The following POLA1 variants were observed in gnomAD, a reference collection of about 807,000 sequenced individuals.
POLA1 encodes DNA polymerase alpha 1, catalytic subunit.
POLA1 carries 15 observed loss-of-function variants against 124.0 expected under a neutral mutation model. That is an observed-to-expected ratio of 0.12 (90% CI 0.08 to 0.19). The LOEUF is 0.19. POLA1 is among the 10% of genes least tolerant of loss of function. POLA1 has a pLI of 1.00. For synonymous variants in POLA1, 408 were observed against 389.4 expected (o/e 1.05, Z -0.56); for missense variants, 886 against 1,103.4 (o/e 0.80, Z 2.79).
At chrX:24,705,733 G>T (rs1928760900) in intron 4 of POLA1, among the ~76,000 whole-genome samples, 1 of 105,517 alleles carries the variant, frequency 9.5e-6, no homozygotes, top group Non-Finnish European at 1.9e-5. Context: ...TGTCTTTCAT[G>T]ACATTGATTT....
At chrX:24,981,452 G>A (rs1447182129) in intron 36 of POLA1, among the ~76,000 whole-genome samples, 4 of 112,388 alleles carry the variant, frequency 3.6e-5, no homozygotes, top group South Asian at 7.4e-4. Flanking sequence ...TCCCAATGCC[G>A]TCATCTGGCA....
chrX:24,926,836 CT>C (rs1178849548), intron 35 of POLA1, among the ~76,000 whole-genome samples: 89 of 101,873 alleles, frequency 8.7e-4, no homozygotes, highest in Admixed American at 9.6e-4. Context: ...ATCATCAGTA[CT>C]TTTTTTTTTT....
In POLA1 at chrX:24,920,644, A is replaced by G. The variant is rs189657409; in HGVS notation, c.4165-9809A>G. On this transcript the variant is annotated intron_variant, in intron 35 of 36. Coordinates refer to ENST00000379068, the MANE Select transcript of POLA1 (RefSeq NM_001330360.2). ...ATTGGCTCTGCCACTTACTAGCTGCATGACCTAAGGCAAGCCCAGTAACCT... is the reference window on the plus strand; with the variant it reads ...ATTGGCTCTGCCACTTACTAGCTGCGTGACCTAAGGCAAGCCCAGTAACCT... 1.6e-3 allele frequency among the ~76,000 whole-genome samples: 175 copies of G among 112,412 alleles called. 1 individual carries two copies. The highest frequency in any genetic ancestry group is 0.014 in the Admixed American group (153 of 10,640).
At chrX:24,861,729 ATAAG>A (rs1461640422) in intron 34 of POLA1, among the ~76,000 whole-genome samples, 1 of 112,422 alleles carries the variant, frequency 8.9e-6, no homozygotes, top group East Asian at 2.8e-4. Flanking sequence ...TGTTGAATTT[ATAAG>A]TAAGACATGC....
At chrX:24,958,178 AACAG>A (rs763196032) in intron 36 of POLA1, among the ~76,000 whole-genome samples, 5 of 111,977 alleles carry the variant, frequency 4.5e-5, no homozygotes, top group Non-Finnish European at 9.4e-5. Flanking sequence ...GCGAGAATGG[AACAG>A]ACACAGTCAT....
intron 34 of POLA1, among the ~76,000 whole-genome samples, chrX:24,873,563 A>C (rs890075169): frequency 8.9e-6 from 1 of 112,314 alleles, no homozygotes; most frequent in Non-Finnish European, 1.9e-5. Flanking sequence ...ATGTACTGAC[A>C]GGACATAATT....
chrX:24,732,600 T>G (rs1930989942), intron 16 of POLA1, 146 bp downstream of exon 16: 15 of 140,193 alleles, frequency 1.1e-4, no homozygotes, highest in East Asian at 2.0e-4. Context: ...TTTTTTTTTG[T>G]TTTTTTTTTT....
At chrX:24,986,675 A>C (rs1047644722) in intron 36 of POLA1, among the ~76,000 whole-genome samples, 1 of 109,440 alleles carries the variant, frequency 9.1e-6, no homozygotes, top group Non-Finnish European at 1.9e-5. Flanking sequence ...GGAGCCCAGG[A>C]GTATGATCAT....
At chrX:24,901,423 A>C (rs766011957) in intron 35 of POLA1, among the ~76,000 whole-genome samples, 1 of 111,541 alleles carries the variant, frequency 9.0e-6, no homozygotes, top group East Asian at 2.8e-4. Flanking sequence ...GGGCCAGTGT[A>C]GCAAGAGAAA....
chrX:24,703,867 TC>T (rs1928626373), intron 3 of POLA1, among the ~76,000 whole-genome samples: 1 of 111,968 alleles, frequency 8.9e-6, no homozygotes, highest in African/African-American at 3.2e-5. Flanking sequence ...CAAAGGCTGG[TC>T]CTAATGTCCT....
At chrX:24,969,803 C>T (rs1434192952) in intron 36 of POLA1, among the ~76,000 whole-genome samples, 1 of 110,981 alleles carries the variant, frequency 9.0e-6, no homozygotes. Context: ...TGATGCTCTC[C>T]CTCCTCCCAC....
intron 33 of POLA1, 107 bp downstream of exon 33, chrX:24,841,937 G>A: frequency 1.9e-6 from 1 of 513,830 alleles, no homozygotes; most frequent in Non-Finnish European, 3.2e-6. Context: ...CACACATGTT[G>A]CTTTCATGTG....
rs145173850 is a variant in POLA1, at chrX:24,727,784, C to G, written c.1534C>G (p.Leu512Val). ...CTGTTGTATCTATTCTCTTTCAGAG[C>G]TCTTGAATCAGCCAGTCAGTTGGTG... Reference protein sequence around the residue: ...PCWLEVKSPQLLNQPVSWCKV... With the variant: ...PCWLEVKSPQVLNQPVSWCKV... The change falls in exon 15 of 37, where the codon CTC (leucine) becomes GTC (valine). Residue 512 changes from leucine to valine, a missense_variant and splice_region_variant. This residue lies in a region of POLA1 where 337 missense variants were observed against 402.8 expected (regional missense o/e 0.84). Transcript: ENST00000379068. The G allele has an allele frequency of 1.7e-6, 2 of 1,202,464 alleles. No individual in the cohort carries two copies. The highest frequency in any genetic ancestry group is 3.5e-5 in the African/African-American group (2 of 57,241).
intron 33 of POLA1, chrX:24,842,122 A>G (rs1040582998): frequency 1.0e-5 from 2 of 194,977 alleles, no homozygotes; most frequent in Non-Finnish European, 1.8e-5. Flanking sequence ...TTTTTATTAT[A>G]ATTTCTTAAT....
chrX:24,739,369 T>A lies in POLA1; in HGVS notation c.2041-6T>A. On this transcript the variant is annotated splice_region_variant and splice_polypyrimidine_tract_variant and intron_variant, in intron 19 of 36. Transcript: ENST00000379068. ...ATGAAGTTTGCTTTTTGTTCCCATC[T>A]TGTAGGGCCGGAGTGGATTTGGTGA... 8.6e-7 allele frequency: 1 copy of A among 1,165,181 alleles called. No individual in the cohort carries two copies. The highest frequency in any genetic ancestry group is 1.2e-6 in the Non-Finnish European group (1 of 868,994).
intron 2 of POLA1, among the ~76,000 whole-genome samples, chrX:24,700,510 G>A (rs895663567): frequency 1.8e-5 from 2 of 111,952 alleles, no homozygotes; most frequent in Non-Finnish European, 3.8e-5. Context: ...CAGGAATAAA[G>A]CATTTTTTTT....
chrX:24,911,323 G>T (rs1340431919), intron 35 of POLA1, among the ~76,000 whole-genome samples: 1 of 111,293 alleles, frequency 9.0e-6, no homozygotes, highest in Middle Eastern at 4.2e-3. Context: ...AAGTTTTAAG[G>T]TATTGGTATA....
chrX:24,710,618 A>G (rs1000803057), intron 4 of POLA1, among the ~76,000 whole-genome samples: 1 of 106,774 alleles, frequency 9.4e-6, no homozygotes, highest in Admixed American at 9.9e-5. Flanking sequence ...CCTGCTTTCA[A>G]TTTTTTAGGG....
At chrX:24,718,273 G>T (rs1376072598) in intron 10 of POLA1, among the ~76,000 whole-genome samples, 1 of 111,752 alleles carries the variant, frequency 8.9e-6, no homozygotes, top group Non-Finnish European at 1.9e-5. Context: ...GGCAGTGGGT[G>T]GGGGCACATT....
Sources: gnomAD v4.1 joint callset for allele counts (sites outside exome capture counted in the v4.1 genomes callset) on GRCh38, gnomAD v4.1.1 for gene constraint, gnomAD v4.1.1 regional missense constraint, MANE v1.5 for transcripts, NCBI Gene and HGNC (gene_info 2026-07-23, HGNC 2026-07-21) for gene names.